The following NWD2 variants were observed in gnomAD, a reference collection of about 807,000 sequenced individuals.
NWD2 encodes the protein NACHT and WD repeat domain containing 2, also known as NACHT and WD repeat domain-containing protein 2.
In NWD2, 37 loss-of-function variants were observed where a neutral mutation model predicts 132.7. The observed-to-expected ratio is 0.28, with a 90% confidence interval of 0.21 to 0.37. NWD2 has a LOEUF of 0.37. NWD2 is among the 10% of genes least tolerant of loss of function. The probability of loss-of-function intolerance (pLI) is 1.00; values close to 1 mark genes in which losing one functional copy is unlikely to be tolerated. For missense variants in NWD2, 1,592 were observed against 2,122.4 expected (o/e 0.75, Z 4.91); for synonymous variants, 705 against 803.0 (o/e 0.88, Z 2.06).
intron 2 of NWD2, among the ~76,000 whole-genome samples, chr4:37,330,202 G>A (rs7654791): frequency 0.2 from 30,289 of 151,940 alleles, 3,265 homozygotes; most frequent in Non-Finnish European, 0.23. Flanking sequence ...ACTAGACTCC[G>A]ATTATGTAAA....
intron 1 of NWD2, among the ~76,000 whole-genome samples, chr4:37,298,870 G>T (rs1021431816): frequency 3.9e-5 from 6 of 152,150 alleles, no homozygotes; most frequent in Admixed American, 1.3e-4. Context: ...TTACTGGAAA[G>T]TTATGGGTGA....
intron 5 of NWD2, among the ~76,000 whole-genome samples, chr4:37,438,177 T>A (rs1393995617): frequency 6.6e-6 from 1 of 150,912 alleles, no homozygotes; most frequent in Admixed American, 6.6e-5. Flanking sequence ...AGGAGAATGG[T>A]GTGAACCCAG....
At chr4:37,388,574 A>T (rs1720615640) in intron 3 of NWD2, among the ~76,000 whole-genome samples, 1 of 148,130 alleles carries the variant, frequency 6.8e-6, no homozygotes, top group South Asian at 2.1e-4. Flanking sequence ...GAAAATATAT[A>T]TTTTTATATT....
chr4:37,262,889 C>T (rs1717673258), intron 1 of NWD2, among the ~76,000 whole-genome samples: 1 of 151,900 alleles, frequency 6.6e-6, no homozygotes, highest in South Asian at 2.1e-4. Flanking sequence ...TTGATATAGC[C>T]CCAGGTGGAT....
chr4:37,429,262 T>C (rs562921699), intron 3 of NWD2, among the ~76,000 whole-genome samples: 2 of 152,288 alleles, frequency 1.3e-5, no homozygotes, highest in Admixed American at 6.5e-5. Context: ...CTCTAACATA[T>C]GTACGTAATA....
intron 3 of NWD2, among the ~76,000 whole-genome samples, chr4:37,382,998 G>GA (rs1189356838): frequency 6.6e-6 from 1 of 152,016 alleles, no homozygotes; most frequent in South Asian, 2.1e-4. Flanking sequence ...CCGGCCGCCT[G>GA]AAAAAAACTC....
chr4:37,320,165 A>G (rs1176357649), intron 1 of NWD2, among the ~76,000 whole-genome samples: 2 of 152,072 alleles, frequency 1.3e-5, no homozygotes, highest in Non-Finnish European at 2.9e-5. Context: ...GCAGTGTTCT[A>G]TAGTTCTTCT....
At chr4:37,438,580 T>C (rs1712388911) in intron 5 of NWD2, among the ~76,000 whole-genome samples, 2 of 152,202 alleles carry the variant, frequency 1.3e-5, no homozygotes, top group African/African-American at 2.4e-5. Flanking sequence ...TTCCTAAACT[T>C]GGGGAGAAAA....
chr4:37,336,837 G>A (rs1440847750), intron 2 of NWD2, among the ~76,000 whole-genome samples: 3 of 151,672 alleles, frequency 2.0e-5, no homozygotes, highest in African/African-American at 7.3e-5. Flanking sequence ...TACTCGGGAG[G>A]CTGAGGCAGG....
chr4:37,248,457 T>C (rs1334413865), intron 1 of NWD2, among the ~76,000 whole-genome samples: 2 of 152,200 alleles, frequency 1.3e-5, no homozygotes, highest in Non-Finnish European at 2.9e-5. Flanking sequence ...GATAGCATTA[T>C]CCCAGATTTT....
intron 1 of NWD2, among the ~76,000 whole-genome samples, chr4:37,263,517 C>T (rs2109260194): frequency 6.6e-6 from 1 of 152,254 alleles, no homozygotes; most frequent in South Asian, 2.1e-4. Flanking sequence ...CTCTTTAAGC[C>T]TTGGTTTCCT....
rs147729635 is a variant in NWD2, at chr4:37,364,087, A to G, written c.357+7605A>G. Among the ~76,000 whole-genome samples the G allele has an allele frequency of 6.1e-3, 923 of 152,294 alleles. 10 individuals are homozygous for G. The highest frequency in any genetic ancestry group is 0.021 in the African/African-American group (865 of 41,570). On this transcript the variant is annotated intron_variant, in intron 3 of 6. Coordinates refer to ENST00000309447, the MANE Select transcript of NWD2 (RefSeq NM_001144990.2). ...CAGGAGGCGGAGGTTGCAGTGAGCC[A>G]AGATCACACCACTGCATTCCAGCCT...
At chr4:37,336,990 T>C (rs1719423926) in intron 2 of NWD2, among the ~76,000 whole-genome samples, 1 of 149,568 alleles carries the variant, frequency 6.7e-6, no homozygotes, top group African/African-American at 2.5e-5. Context: ...TGTCCACCTG[T>C]CAAATGAGTA....
intron 1 of NWD2, among the ~76,000 whole-genome samples, chr4:37,304,894 G>A (rs971288770): frequency 3.9e-5 from 6 of 152,174 alleles, no homozygotes; most frequent in South Asian, 2.1e-4. Flanking sequence ...GCAGTGCCCC[G>A]GCACGGACAG....
At chr4:37,347,573 C>A (rs1387783132) in intron 2 of NWD2, among the ~76,000 whole-genome samples, 1 of 152,100 alleles carries the variant, frequency 6.6e-6, no homozygotes, top group Admixed American at 6.5e-5. Flanking sequence ...ACAATTTATA[C>A]CAATTTAATT....
At chr4:37,306,873 A>C (rs1718718926) in intron 1 of NWD2, among the ~76,000 whole-genome samples, 1 of 152,080 alleles carries the variant, frequency 6.6e-6, no homozygotes, top group African/African-American at 2.4e-5. Flanking sequence ...AAATACAAAA[A>C]ATTAGCCAGG....
chr4:37,340,803 A>G (rs761378729), intron 2 of NWD2, among the ~76,000 whole-genome samples: 3 of 152,244 alleles, frequency 2.0e-5, no homozygotes, highest in Non-Finnish European at 2.9e-5. Flanking sequence ...TGCTGTGCAT[A>G]CATTAACTTG....
intron 1 of NWD2, among the ~76,000 whole-genome samples, chr4:37,288,897 C>T (rs1022163414): frequency 3.3e-5 from 5 of 151,828 alleles, no homozygotes; most frequent in South Asian, 2.1e-4. Flanking sequence ...CTGGATGAAT[C>T]GGTTATTATT....
At chr4:37,417,293 T>A (rs1183984293) in intron 3 of NWD2, among the ~76,000 whole-genome samples, 1 of 152,054 alleles carries the variant, frequency 6.6e-6, no homozygotes. Context: ...TGGGATGGAA[T>A]ATCACAGTTA....
Sources: allele counts gnomAD v4.1 joint callset (sites outside exome capture counted in the v4.1 genomes callset), GRCh38; gene constraint gnomAD v4.1.1; transcripts MANE v1.5; gene names NCBI Gene and HGNC (gene_info 2026-07-23, HGNC 2026-07-21).